MAGI2: variants seen among roughly 807,000 people sequenced by gnomAD.
The protein encoded by MAGI2 is membrane associated guanylate kinase, WW and PDZ domain containing 2.
Under a neutral mutation model 133.3 loss-of-function variants are expected in MAGI2, and 35 were observed. The ratio of observed to expected loss-of-function variants is 0.26; its 90% CI spans 0.20 to 0.35. MAGI2 has a LOEUF of 0.35. Ranked by LOEUF, MAGI2 falls within the 10% of genes least tolerant of loss-of-function variation. The probability of loss-of-function intolerance (pLI) is 1.00; values close to 1 mark genes in which losing one functional copy is unlikely to be tolerated. For missense variants in MAGI2, 1,636 were observed against 1,863.4 expected, an observed-to-expected ratio of 0.88 and a Z score of 2.25; for synonymous variants, 729 against 710.6, an observed-to-expected ratio of 1.03 and a Z score of -0.41.
intron 1 of MAGI2, among the ~76,000 whole-genome samples, chr7:79,364,884 A>C (rs1048144800): frequency 1.3e-5 from 2 of 150,072 alleles, no homozygotes; most frequent in African/African-American, 2.5e-5. Flanking sequence ...ATTCATAAAA[A>C]AATTAATTAG....
At chr7:78,087,585 G>A (rs1371302194) in intron 20 of MAGI2, among the ~76,000 whole-genome samples, 1 of 152,098 alleles carries the variant, frequency 6.6e-6, no homozygotes, top group Non-Finnish European at 1.5e-5. Flanking sequence ...GGGAAATGGG[G>A]CAAATGATAT....
chr7:78,538,304 A>G (rs115379037), intron 3 of MAGI2, among the ~76,000 whole-genome samples: 2,077 of 152,310 alleles, frequency 0.014, 49 homozygotes, highest in African/African-American at 0.047. Flanking sequence ...CACTTTGGCT[A>G]CATGGGCTCT....
At chr7:78,128,245 A>G (rs187669641) in intron 18 of MAGI2, among the ~76,000 whole-genome samples, 3 of 152,324 alleles carry the variant, frequency 2.0e-5, no homozygotes, top group Admixed American at 2.0e-4. Flanking sequence ...AACTGCTTTA[A>G]GCTGAGGGGG....
intron 6 of MAGI2, among the ~76,000 whole-genome samples, chr7:78,440,143 A>G (rs1206029807): frequency 1.3e-5 from 2 of 152,078 alleles, no homozygotes; most frequent in Non-Finnish European, 2.9e-5. Flanking sequence ...TTTCTATCAG[A>G]CAGCCCTGCC....
intron 7 of MAGI2, among the ~76,000 whole-genome samples, chr7:78,362,640 A>G (rs1242058572): frequency 6.6e-6 from 1 of 152,192 alleles, no homozygotes; most frequent in Non-Finnish European, 1.5e-5. Flanking sequence ...AAAACGTTAA[A>G]CCAGTCATAA....
chr7:78,976,180 C>A (rs200441083), intron 2 of MAGI2, among the ~76,000 whole-genome samples: 30 of 151,382 alleles, frequency 2.0e-4, no homozygotes, highest in Non-Finnish European at 4.3e-4. Context: ...ATATCATCAA[C>A]AAAATATTAT....
At chr7:79,099,223 C>A (rs1817759518) in intron 1 of MAGI2, among the ~76,000 whole-genome samples, 1 of 151,900 alleles carries the variant, frequency 6.6e-6, no homozygotes, top group Non-Finnish European at 1.5e-5. Context: ...AGTTCAATTT[C>A]AGGATGAGAG....
At chr7:79,142,628 G>A (rs1343801833) in intron 1 of MAGI2, among the ~76,000 whole-genome samples, 1 of 152,170 alleles carries the variant, frequency 6.6e-6, no homozygotes, top group Non-Finnish European at 1.5e-5. Context: ...ATGTCAACAT[G>A]TAGTTTAATC....
intron 21 of MAGI2, among the ~76,000 whole-genome samples, chr7:78,054,701 C>T (rs540181075): frequency 4.6e-5 from 7 of 151,784 alleles, no homozygotes; most frequent in Admixed American, 3.3e-4. Flanking sequence ...TCTCTGTCAC[C>T]CAGGCTGGAG....
chr7:79,197,822 T>A (rs1828225439), intron 1 of MAGI2, among the ~76,000 whole-genome samples: 1 of 151,968 alleles, frequency 6.6e-6, no homozygotes, highest in South Asian at 2.1e-4. Context: ...TAAAAAGGGA[T>A]GAACCTGCTC....
chr7:79,134,270 A>G (rs1241581042), intron 1 of MAGI2, among the ~76,000 whole-genome samples: 1 of 152,222 alleles, frequency 6.6e-6, no homozygotes, highest in Non-Finnish European at 1.5e-5. Flanking sequence ...ATAATAATCA[A>G]AAGAGAAAAA....
In MAGI2 at chr7:78,331,854, G is replaced by C. The variant is rs567588748; in HGVS notation, c.1408+11924C>G. On this transcript the variant is annotated intron_variant, in intron 9 of 21. Transcript: ENST00000354212. The stretch of plus-strand genomic sequence containing the variant: ...CTCCTCAGAGGGCCAGTGAGCCTTA[G>C]TGCAAATTAATATAAATATTTTGTG... Among the ~76,000 whole-genome samples the C allele has an allele frequency of 7.4e-4, 113 of 152,256 alleles. 1 individual carries two copies. The highest frequency in any genetic ancestry group is 2.6e-3 in the African/African-American group (110 of 41,542).
chr7:78,161,678 A>G (rs1018420539), intron 15 of MAGI2, among the ~76,000 whole-genome samples: 17 of 147,148 alleles, frequency 1.2e-4, no homozygotes, highest in African/African-American at 3.5e-4. Context: ...AAAAAAAAAA[A>G]AAAAAAAAAG....
chr7:78,104,444 A>G (rs898242424), intron 20 of MAGI2, among the ~76,000 whole-genome samples: 8 of 151,634 alleles, frequency 5.3e-5, no homozygotes, highest in Admixed American at 1.3e-4. Flanking sequence ...GGATGGTCTC[A>G]ATCTCCTGAC....
chr7:78,937,648 T>C lies in MAGI2; in HGVS notation c.418+69442A>G, dbSNP rs538754079. ...CAACGATACTTATATAATGGGGAAT[T>C]ATCACAAGCCAGTGGAAAAGCAACA... On this transcript the variant is annotated intron_variant, in intron 2 of 21. Transcript: ENST00000354212. Among the ~76,000 whole-genome samples, 5 of 152,238 alleles carry C rather than the reference T, an allele frequency of 3.3e-5. No individual in the cohort carries two copies. The East Asian group carries it at 9.7e-4, about 29-fold the overall frequency.
At chr7:78,454,735 A>G (rs1789119338) in intron 6 of MAGI2, among the ~76,000 whole-genome samples, 1 of 152,168 alleles carries the variant, frequency 6.6e-6, no homozygotes, top group Non-Finnish European at 1.5e-5. Context: ...CATTATTTAG[A>G]GATAAAACGC....
chr7:78,269,683 T>C (rs911973755), intron 9 of MAGI2, among the ~76,000 whole-genome samples: 1 of 152,216 alleles, frequency 6.6e-6, no homozygotes, highest in Admixed American at 6.5e-5. Context: ...CTTTGTCAGA[T>C]GGATAGATTG....
intron 10 of MAGI2, among the ~76,000 whole-genome samples, chr7:78,208,625 G>A (rs1428948748): frequency 2.6e-5 from 4 of 151,416 alleles, no homozygotes. Context: ...AAATGTGGAA[G>A]GCAATCAATA....
intron 1 of MAGI2, among the ~76,000 whole-genome samples, chr7:79,186,755 A>ATATATATTTATACAAAAG (rs1562974052): frequency 4.0e-3 from 99 of 24,652 alleles, no homozygotes; most frequent in Non-Finnish European, 0.023. Flanking sequence ...ACAAAAGTAT[A>ATATATATTTATACAAAAG]TATATATATA....
Sources: gnomAD v4.1 joint callset for allele counts (sites outside exome capture counted in the v4.1 genomes callset) on GRCh38, gnomAD v4.1.1 for gene constraint, MANE v1.5 for transcripts, NCBI Gene and HGNC (gene_info 2026-07-23, HGNC 2026-07-21) for gene names.